The following KALRN variants were observed in gnomAD, a reference collection of about 807,000 sequenced individuals.
KALRN encodes kalirin RhoGEF kinase.
Under a neutral mutation model 353.7 loss-of-function variants are expected in KALRN, and 70 were observed. That is an observed-to-expected ratio of 0.20 (90% CI 0.16 to 0.24). The LOEUF is 0.24. Ranked by LOEUF, KALRN falls within the 10% of genes least tolerant of loss-of-function variation. The probability of loss-of-function intolerance (pLI) is 1.00; values close to 1 mark genes in which losing one functional copy is unlikely to be tolerated. For missense variants in KALRN, 2,791 were observed against 3,756.7 expected (o/e 0.74, Z 6.72); for synonymous variants, 1,391 against 1,434.8 (o/e 0.97, Z 0.69).
intron 3 of KALRN, among the ~76,000 whole-genome samples, chr3:124,238,433 C>T (rs2080054786): frequency 6.6e-6 from 1 of 152,162 alleles, no homozygotes; most frequent in South Asian, 2.1e-4. Flanking sequence ...CCAGATGACC[C>T]TCTGTTAGGG....
At chr3:124,158,442 A>C (rs1290301488) in intron 1 of KALRN, among the ~76,000 whole-genome samples, 1 of 152,236 alleles carries the variant, frequency 6.6e-6, no homozygotes, top group Non-Finnish European at 1.5e-5. Flanking sequence ...GTGCATCAGT[A>C]GAAGCCGGAT....
At chr3:124,627,142 C>G (rs1334805613) in intron 34 of KALRN, among the ~76,000 whole-genome samples, 2 of 152,152 alleles carry the variant, frequency 1.3e-5, no homozygotes, top group Non-Finnish European at 2.9e-5. Context: ...AAGCGATTAA[C>G]TAAGTAGATG....
rs540642462 is a variant in KALRN, at chr3:124,580,167, C to T, written c.5182+17078C>T. On this transcript the variant is annotated intron_variant, in intron 34 of 59. Coordinates refer to ENST00000682506, the MANE Select transcript of KALRN (RefSeq NM_001388419.1). ...CACCCCAGACCTACTAAATCAGCAG[C>T]TCTGGGAATGGAGCCTAATAATCTG... Among the ~76,000 whole-genome samples, 9 of 152,334 alleles carry T rather than the reference C, an allele frequency of 5.9e-5. No individual in the cohort carries two copies. The South Asian group carries it at 1.9e-3, about 32-fold the overall frequency.
intron 1 of KALRN, among the ~76,000 whole-genome samples, chr3:124,087,232 T>C (rs1040040189): frequency 6.6e-6 from 1 of 152,226 alleles, no homozygotes; most frequent in Non-Finnish European, 1.5e-5. Flanking sequence ...ATCTTGGAGC[T>C]ACAGATTTAT....
At position 124,720,074 on chromosome 3, in the gene KALRN, A is replaced by G. The variant is rs1459859043; in HGVS notation, c.*604A>G. 1 of 152,676 alleles carries G rather than the reference A, an allele frequency of 6.5e-6. No homozygotes were observed. Among genetic ancestry groups the G allele is most frequent in the Non-Finnish European group, 1.5e-5 (1 of 68,056 alleles). 9.5% of individuals were successfully genotyped at this position (152,676 alleles called of 1,614,324 possible). On this transcript the variant is annotated 3_prime_UTR_variant, in exon 60 of 60. Transcript: ENST00000682506. The stretch of plus-strand genomic sequence containing the variant: ...TTTACCGAATCATTACATTGTTTTG[A>G]CTAAGCACAATTAGATGACAAGTTT...
At chr3:124,069,210 T>A (rs925241110) in intron 1 of KALRN, among the ~76,000 whole-genome samples, 1 of 152,080 alleles carries the variant, frequency 6.6e-6, no homozygotes, top group Non-Finnish European at 1.5e-5. Context: ...AGCTGTTAAG[T>A]GGCAGAGCTA....
At chr3:124,519,346 C>A in intron 33 of KALRN, 1 of 985,414 alleles carries the variant, frequency 1.0e-6, no homozygotes, top group East Asian at 1.1e-4. Flanking sequence ...AAAAGTCCTC[C>A]AGTTTCCAAC....
intron 14 of KALRN, among the ~76,000 whole-genome samples, chr3:124,420,748 A>C (rs760540910): frequency 6.6e-6 from 1 of 152,322 alleles, no homozygotes; most frequent in Middle Eastern, 3.4e-3. Flanking sequence ...CCACTTTCCC[A>C]TATTGTCCTT....
At chr3:124,174,136 A>T (rs1390196692) in intron 1 of KALRN, among the ~76,000 whole-genome samples, 2 of 152,168 alleles carry the variant, frequency 1.3e-5, no homozygotes, top group Non-Finnish European at 2.9e-5. Flanking sequence ...GGGTACTTTT[A>T]AAAGTATAGC....
intron 21 of KALRN, among the ~76,000 whole-genome samples, chr3:124,448,840 G>A (rs1434293064): frequency 6.6e-6 from 1 of 152,130 alleles, no homozygotes; most frequent in Non-Finnish European, 1.5e-5. Flanking sequence ...TTACCTAACT[G>A]CATTTTACAC....
At chr3:124,214,042 T>C (rs567334655) in intron 1 of KALRN, among the ~76,000 whole-genome samples, 1 of 152,202 alleles carries the variant, frequency 6.6e-6, no homozygotes, top group East Asian at 1.9e-4. Flanking sequence ...TTCCAATTAT[T>C]TCAAGAATAA....
At chr3:124,210,139 T>C (rs76659761) in intron 1 of KALRN, among the ~76,000 whole-genome samples, 9,463 of 152,294 alleles carry the variant, frequency 0.062, 285 homozygotes, top group Middle Eastern at 0.088. Context: ...TATAAAATGC[T>C]AGTCTTTCCT....
intron 33 of KALRN, among the ~76,000 whole-genome samples, chr3:124,558,531 GGCCT>G (rs1004522885): frequency 6.6e-5 from 10 of 152,266 alleles, no homozygotes; most frequent in Non-Finnish European, 1.0e-4. Flanking sequence ...CACCGCCCTC[GGCCT>G]CCCGAAATGC....
At position 124,337,060 on chromosome 3, in the gene KALRN, G is replaced by A. The variant is rs141541886; in HGVS notation, c.1647+2565G>A. On this transcript the variant is annotated intron_variant, in intron 9 of 59. Transcript: ENST00000682506. ...GCTTATCAGCTTAAGATTTTGGGCC[G>A]AGACGATGGGGTTTTCTAAATGTAT... 6.0e-3 allele frequency among the ~76,000 whole-genome samples: 913 copies of A among 152,220 alleles called. 15 individuals carry two copies. The highest frequency in any genetic ancestry group is 0.053 in the East Asian group (274 of 5,176).
intron 1 of KALRN, among the ~76,000 whole-genome samples, chr3:124,055,830 T>C (rs190014951): frequency 3.4e-4 from 52 of 152,238 alleles, no homozygotes; most frequent in African/African-American, 1.1e-3. Context: ...TTTACATCTC[T>C]TGTAATCACT....
intron 3 of KALRN, among the ~76,000 whole-genome samples, chr3:124,250,065 G>A (rs778361808): frequency 1.2e-4 from 19 of 152,180 alleles, no homozygotes; most frequent in Non-Finnish European, 1.9e-4. Context: ...TGGCCTGGGG[G>A]GGGTGGCTTT....
chr3:124,316,272 G>T (rs2078801061), intron 6 of KALRN, among the ~76,000 whole-genome samples: 1 of 152,108 alleles, frequency 6.6e-6, no homozygotes. Context: ...TGGTCTCTCT[G>T]CCTCCACCTT....
intron 1 of KALRN, among the ~76,000 whole-genome samples, chr3:124,046,487 A>C (rs1218998442): frequency 6.6e-6 from 1 of 152,208 alleles, no homozygotes; most frequent in Non-Finnish European, 1.5e-5. Context: ...GAGCCTGGGA[A>C]GAGAGGAGAT....
chr3:124,563,848 A>G lies in KALRN; in HGVS notation c.5182+759A>G, dbSNP rs540588838. Among the ~76,000 whole-genome samples the G allele has an allele frequency of 3.3e-5, 5 of 152,150 alleles. No individual in the cohort carries two copies. The East Asian group carries it at 7.7e-4, about 24-fold the overall frequency. On this transcript the variant is annotated intron_variant, in intron 34 of 59. Coordinates refer to ENST00000682506, the MANE Select transcript of KALRN (RefSeq NM_001388419.1). Reference sequence around the variant, plus strand: ...TGAGACCCTGTCTCTACAAAAATTTAAAAATGCAAGGCGGCACATACCTGT... The same window carrying G: ...TGAGACCCTGTCTCTACAAAAATTTGAAAATGCAAGGCGGCACATACCTGT...
Sources: gnomAD v4.1 joint callset for allele counts (sites outside exome capture counted in the v4.1 genomes callset) on GRCh38, gnomAD v4.1.1 for gene constraint, MANE v1.5 for transcripts, NCBI Gene and HGNC (gene_info 2026-07-23, HGNC 2026-07-21) for gene names.